PCMTD1: variants seen among roughly 807,000 people sequenced by gnomAD.
The protein encoded by PCMTD1 is protein-L-isoaspartate (D-aspartate) O-methyltransferase domain containing 1, also known as protein-L-isoaspartate O-methyltransferase domain-containing protein 1.
Under a neutral mutation model 37.6 loss-of-function variants are expected in PCMTD1, and 12 were observed. The ratio of observed to expected loss-of-function variants is 0.32; its 90% CI spans 0.20 to 0.52. PCMTD1 has a LOEUF of 0.52. PCMTD1 is among the 20% of genes least tolerant of loss of function. The probability of loss-of-function intolerance (pLI) is 0.97; values close to 1 mark genes in which losing one functional copy is unlikely to be tolerated. For missense variants in PCMTD1, 235 were observed against 421.3 expected, an observed-to-expected ratio of 0.56 and a Z score of 3.87; for synonymous variants, 117 against 135.8, an observed-to-expected ratio of 0.86 and a Z score of 0.96.
At chr8:51,849,460 CTTTT>C (rs1176333473) in intron 2 of PCMTD1, 2 of 151,042 alleles carry the variant, frequency 1.3e-5, no homozygotes, top group African/African-American at 4.9e-5. Context: ...ATTTTTGTAA[CTTTT>C]TTTTTAAAAA....
intron 1 of PCMTD1, among the ~76,000 whole-genome samples, chr8:51,891,991 A>G (rs1315619419): frequency 2.0e-5 from 3 of 152,302 alleles, no homozygotes; most frequent in East Asian, 1.9e-4. Context: ...CTGTTTATAC[A>G]TAAGTCTGAA....
intron 1 of PCMTD1, among the ~76,000 whole-genome samples, chr8:51,880,657 CCTTA>C (rs1024817951): frequency 6.6e-6 from 1 of 152,182 alleles, no homozygotes; most frequent in Non-Finnish European, 1.5e-5. Context: ...CAACCTGAAT[CCTTA>C]CTTTTTTCTC....
chr8:51,843,187 A>C (rs79562267), intron 3 of PCMTD1, among the ~76,000 whole-genome samples: 4 of 143,388 alleles, frequency 2.8e-5, no homozygotes, highest in African/African-American at 7.8e-5. Context: ...AAAAAAAAAA[A>C]CCATTGAATC....
rs35041148 is a variant in PCMTD1 at position 51,818,409 on chromosome 8, C to CAAAAAAAAAA, written c.*1932_*1941dup. 1.3e-4 allele frequency: 18 copies of CAAAAAAAAAA among 138,042 alleles called. No homozygotes were observed. Among genetic ancestry groups the CAAAAAAAAAA allele is most frequent in the Non-Finnish European group, 2.2e-4 (14 of 63,794 alleles). 8.6% of individuals were successfully genotyped at this position (138,042 alleles called of 1,614,324 possible). On this transcript the variant is annotated 3_prime_UTR_variant, in exon 6 of 6. Transcript: ENST00000522514. ...GCATCATCTAAACAGCAGCTCCAACCAAAAAAAAAAAAAAAAACAAGCAGG... is the reference window on the plus strand; with the variant it reads ...GCATCATCTAAACAGCAGCTCCAACCAAAAAAAAAAAAAAAAAAAAAAAAAAACAAGCAGG...
intron 1 of PCMTD1, among the ~76,000 whole-genome samples, chr8:51,889,517 T>G (rs372919596): frequency 7.2e-5 from 11 of 152,214 alleles, no homozygotes; most frequent in African/African-American, 2.7e-4. Context: ...CCAAACCCTG[T>G]GTCCCTCAAC....
chr8:51,827,369 T>C (rs1161231463), intron 5 of PCMTD1: 2 of 828,760 alleles, frequency 2.4e-6, no homozygotes, highest in Non-Finnish European at 3.5e-6. Flanking sequence ...GGTCTGAAAA[T>C]ATTAAATGGA....
In PCMTD1 at chr8:51,819,892, A is replaced by G. The variant is rs1345251889; in HGVS notation, c.*459T>C. ...GCAACCCAACAACAGTGATTGCAAC[A>G]AAAGTAAGGTAAATAGTCTACAAAG... On this transcript the variant is annotated 3_prime_UTR_variant, in exon 6 of 6. Coordinates refer to ENST00000522514, the MANE Select transcript of PCMTD1 (RefSeq NM_052937.4). The G allele has an allele frequency of 6.5e-6, 1 of 152,998 alleles. No homozygotes were observed. The highest frequency in any genetic ancestry group is 2.4e-5 in the African/African-American group (1 of 41,476). 9.5% of individuals were successfully genotyped at this position (152,998 alleles called of 1,614,324 possible).
intron 3 of PCMTD1, among the ~76,000 whole-genome samples, chr8:51,836,998 A>G (rs2038077776): frequency 6.6e-6 from 1 of 152,266 alleles, no homozygotes; most frequent in Admixed American, 6.5e-5. Flanking sequence ...GAAAAACAAA[A>G]CAAACTCTTA....
At chr8:51,859,607 G>A (rs2038442433) in intron 2 of PCMTD1, among the ~76,000 whole-genome samples, 2 of 151,988 alleles carry the variant, frequency 1.3e-5, no homozygotes, top group African/African-American at 4.8e-5. Context: ...GGAAATTTCA[G>A]ACCTGACTAT....
At chr8:51,894,047 T>C in intron 1 of PCMTD1, among the ~76,000 whole-genome samples, 1 of 152,174 alleles carries the variant, frequency 6.6e-6, no homozygotes, top group South Asian at 2.1e-4. Context: ...GTTAAACAGC[T>C]GTATGAATGT....
At chr8:51,847,142 T>C (rs1214277130) in intron 2 of PCMTD1, among the ~76,000 whole-genome samples, 1 of 152,200 alleles carries the variant, frequency 6.6e-6, no homozygotes, top group East Asian at 1.9e-4. Context: ...TTGTAATTCC[T>C]ATTACTCCAG....
intron 1 of PCMTD1, among the ~76,000 whole-genome samples, chr8:51,881,038 C>T (rs964270417): frequency 9.9e-5 from 15 of 152,210 alleles, no homozygotes; most frequent in Admixed American, 9.8e-4. Flanking sequence ...CCATGGGCTA[C>T]AACCGGCTAA....
intron 5 of PCMTD1, among the ~76,000 whole-genome samples, chr8:51,824,998 A>G (rs1230131805): frequency 5.3e-5 from 8 of 152,228 alleles, no homozygotes; most frequent in African/African-American, 9.6e-5. Flanking sequence ...CATATGCAGA[A>G]AACTGAAACT....
intron 3 of PCMTD1, among the ~76,000 whole-genome samples, chr8:51,838,359 C>T (rs1159670658): frequency 4.0e-5 from 6 of 151,544 alleles, no homozygotes; most frequent in Non-Finnish European, 7.4e-5. Flanking sequence ...CACGGTAGCA[C>T]GCGCCTATAG....
intron 1 of PCMTD1, among the ~76,000 whole-genome samples, chr8:51,878,250 G>GTTTTTTTTTTTTTTTTTTTTTTTTTTTT (rs375362623): frequency 7.2e-6 from 1 of 139,170 alleles, no homozygotes. Flanking sequence ...TTTTTTTTTG[G>GTTTTTTTTTTTTTTTTTTTTTTTTTTTT]TTTTTTTTTT....
At chr8:51,839,404 A>G (rs2038114218) in intron 3 of PCMTD1, 2 of 963,576 alleles carry the variant, frequency 2.1e-6, no homozygotes. Flanking sequence ...GGTTTAGAAC[A>G]TGAAGACTTG....
chr8:51,873,615 G>C (rs1173095407), intron 1 of PCMTD1, among the ~76,000 whole-genome samples: 3 of 152,108 alleles, frequency 2.0e-5, no homozygotes, highest in Non-Finnish European at 4.4e-5. Flanking sequence ...ATTGGATCGT[G>C]GAAGTGGATC....
Position 51,818,457 on chromosome 8 carries a change from T to C in PCMTD1, c.*1894A>G, listed in dbSNP as rs77200894. 1 of 151,912 alleles carries C rather than the reference T, an allele frequency of 6.6e-6. No individual in the cohort carries two copies. Among genetic ancestry groups the C allele is most frequent in the Non-Finnish European group, 1.5e-5 (1 of 68,326 alleles). The allele number at this position is 151,912 out of a possible 1,614,324, so 9.4% of individuals were successfully genotyped here. A position where few individuals can be genotyped will look rare whatever the true frequency, so the allele number is the denominator to read the frequency against. On this transcript the variant is annotated 3_prime_UTR_variant, in exon 6 of 6. Transcript: ENST00000522514. Reference sequence around the variant, plus strand: ...AGGGGAGATGGGACAGATAACTTTCTCCAGGTTTTCCAGATAAAAACATGT... The same window carrying C: ...AGGGGAGATGGGACAGATAACTTTCCCCAGGTTTTCCAGATAAAAACATGT...
At chr8:51,868,921 C>T (rs1217756435) in intron 1 of PCMTD1, among the ~76,000 whole-genome samples, 3 of 152,064 alleles carry the variant, frequency 2.0e-5, no homozygotes, top group African/African-American at 7.2e-5. Context: ...CTATATACTT[C>T]GTTTTTTTAA....
Sources: allele counts gnomAD v4.1 joint callset (sites outside exome capture counted in the v4.1 genomes callset), GRCh38; gene constraint gnomAD v4.1.1; transcripts MANE v1.5; gene names NCBI Gene and HGNC (gene_info 2026-07-23, HGNC 2026-07-21).